ADARB2: variants seen among roughly 807,000 people sequenced by gnomAD.
ADARB2 encodes the protein inactive double-stranded RNA-specific editase B2.
In ADARB2, 25 loss-of-function variants were observed where a neutral mutation model predicts 62.2. That is an observed-to-expected ratio of 0.40 (90% CI 0.29 to 0.56). The LOEUF (loss-of-function observed/expected upper bound fraction) is 0.56. Ranked by LOEUF, ADARB2 falls within the 20% of genes least tolerant of loss-of-function variation. The pLI, the probability that ADARB2 is intolerant of heterozygous loss-of-function variation, is 0.43. For synonymous variants in ADARB2, 572 were observed against 500.8 expected (o/e 1.14, Z -1.90); for missense variants, 1,071 against 1,077.4 (o/e 0.99, Z 0.08).
intron 4 of ADARB2, among the ~76,000 whole-genome samples, chr10:1,265,976 C>T (rs1363823952): frequency 1.5e-5 from 2 of 132,340 alleles, no homozygotes; most frequent in Non-Finnish European, 1.6e-5. Context: ...TCCCGGAAGA[C>T]GGCCTGAGTC....
intron 1 of ADARB2, among the ~76,000 whole-genome samples, chr10:1,599,742 G>T (rs1833383470): frequency 1.3e-5 from 2 of 151,738 alleles, no homozygotes; most frequent in Admixed American, 1.3e-4. Flanking sequence ...GTGAAACTTT[G>T]TTTTTTTTCT....
At chr10:1,206,484 C>T (rs1041632521) in intron 7 of ADARB2, among the ~76,000 whole-genome samples, 4 of 149,940 alleles carry the variant, frequency 2.7e-5, no homozygotes, top group Non-Finnish European at 5.9e-5. Flanking sequence ...GAGAGAACTG[C>T]GGGGTCTCCT....
chr10:1,302,497 C>T (rs543191488), intron 3 of ADARB2, among the ~76,000 whole-genome samples: 10 of 152,148 alleles, frequency 6.6e-5, no homozygotes, highest in Non-Finnish European at 1.3e-4. Flanking sequence ...ACAAAGCAGC[C>T]GGGAAGCTCG....
intron 1 of ADARB2, among the ~76,000 whole-genome samples, chr10:1,568,798 A>G (rs1037256394): frequency 1.8e-5 from 2 of 110,226 alleles, no homozygotes; most frequent in African/African-American, 6.9e-5. Flanking sequence ...ATATGTCTCT[A>G]TCTCTATCTA....
chr10:1,187,809 T>C (rs2131735205), intron 8 of ADARB2: 1 of 416,616 alleles, frequency 2.4e-6, no homozygotes, highest in Non-Finnish European at 5.0e-6. Flanking sequence ...GCGGGTGGGC[T>C]GCGGGGTCGT....
At chr10:1,695,208 G>T (rs948043271) in intron 1 of ADARB2, among the ~76,000 whole-genome samples, 1 of 152,164 alleles carries the variant, frequency 6.6e-6, no homozygotes, top group Admixed American at 6.5e-5. Context: ...GACACCAGCT[G>T]CCCTGCATGG....
intron 3 of ADARB2, among the ~76,000 whole-genome samples, chr10:1,299,587 G>A (rs1831555002): frequency 6.6e-6 from 1 of 152,198 alleles, no homozygotes; most frequent in South Asian, 2.1e-4. Flanking sequence ...ACCACAGGAG[G>A]ATGAGGCTGT....
At chr10:1,695,519 G>C (rs572795074) in intron 1 of ADARB2, among the ~76,000 whole-genome samples, 8 of 152,276 alleles carry the variant, frequency 5.3e-5, no homozygotes, top group African/African-American at 1.9e-4. Flanking sequence ...TATATAGACG[G>C]TGAGAGTGCT....
At chr10:1,608,886 GC>G (rs911634317) in intron 1 of ADARB2, among the ~76,000 whole-genome samples, 3 of 152,116 alleles carry the variant, frequency 2.0e-5, no homozygotes, top group African/African-American at 4.8e-5. Context: ...CCTCCGCATT[GC>G]CGGCCCTCTG....
chr10:1,400,380 G>A (rs993129466), intron 1 of ADARB2, among the ~76,000 whole-genome samples: 3 of 152,214 alleles, frequency 2.0e-5, no homozygotes, highest in Admixed American at 2.0e-4. Flanking sequence ...TGCACAGAGT[G>A]AGACACATCG....
chr10:1,712,410 G>T (rs911293719), intron 1 of ADARB2, among the ~76,000 whole-genome samples: 1 of 152,166 alleles, frequency 6.6e-6, no homozygotes, highest in Admixed American at 6.5e-5. Flanking sequence ...AAGTTATGAG[G>T]TGTATTGCAG....
chr10:1,727,857 A>G (rs965594011), intron 1 of ADARB2, among the ~76,000 whole-genome samples: 3 of 152,198 alleles, frequency 2.0e-5, no homozygotes, highest in Non-Finnish European at 4.4e-5. Flanking sequence ...GTCTCACGGT[A>G]GGCACTGGAG....
intron 8 of ADARB2, among the ~76,000 whole-genome samples, chr10:1,192,787 A>G (rs1836860063): frequency 6.6e-6 from 1 of 152,032 alleles, no homozygotes; most frequent in South Asian, 2.1e-4. Flanking sequence ...TAAAAATACA[A>G]AAAAAAATTA....
At chr10:1,510,108 C>CT (rs1564312446) in intron 1 of ADARB2, among the ~76,000 whole-genome samples, 8 of 120,918 alleles carry the variant, frequency 6.6e-5, no homozygotes, top group African/African-American at 2.1e-4. Flanking sequence ...TTCTTTCTTT[C>CT]TCTCTTTCTT....
chr10:1,557,935 A>AACAAAACAAT (rs1197148779), intron 1 of ADARB2, among the ~76,000 whole-genome samples: 2,179 of 152,016 alleles, frequency 0.014, 58 homozygotes, highest in African/African-American at 0.049. Context: ...CTAAAAACAA[A>AACAAAACAAT]ACAAAACAAA....
intron 1 of ADARB2, among the ~76,000 whole-genome samples, chr10:1,679,040 C>T (rs564358146): frequency 9.2e-5 from 14 of 152,302 alleles, no homozygotes; most frequent in African/African-American, 2.2e-4. Flanking sequence ...CCATCAGTCA[C>T]GATTTGGGGC....
chr10:1,566,639 C>G (rs1401204711), intron 1 of ADARB2, among the ~76,000 whole-genome samples: 1 of 152,174 alleles, frequency 6.6e-6, no homozygotes, highest in Non-Finnish European at 1.5e-5. Flanking sequence ...AATTGCAACT[C>G]AAATCATTAG....
chr10:1,514,178 A>AAAATATATATATATATATATATATAT (rs147869230), intron 1 of ADARB2, among the ~76,000 whole-genome samples: 3 of 94,158 alleles, frequency 3.2e-5, no homozygotes, highest in African/African-American at 6.9e-5. Flanking sequence ...GCTGTCTCAA[A>AAAATATATATATATATATATATATAT]ATATATATAT....
intron 1 of ADARB2, among the ~76,000 whole-genome samples, chr10:1,671,144 T>G (rs1414688900): frequency 1.3e-5 from 2 of 152,184 alleles, no homozygotes; most frequent in East Asian, 3.9e-4. Context: ...CACCTCCCGG[T>G]TACTTCTCCT....
Sources: allele counts gnomAD v4.1 joint callset (sites outside exome capture counted in the v4.1 genomes callset), GRCh38; gene constraint gnomAD v4.1.1; transcripts MANE v1.5; gene names NCBI Gene and HGNC (gene_info 2026-07-23, HGNC 2026-07-21).